The following TNKS variants were observed in gnomAD, a reference collection of about 807,000 sequenced individuals.
TNKS encodes the protein tankyrase.
In TNKS, 72 loss-of-function variants were observed where a neutral mutation model predicts 135.8. The ratio of observed to expected loss-of-function variants is 0.53; its 90% confidence interval spans 0.44 to 0.64. The LOEUF is 0.64. TNKS is among the 30% of genes least tolerant of loss of function. The probability of loss-of-function intolerance (pLI) is 0.00; values close to 1 mark genes in which losing one functional copy is unlikely to be tolerated. For synonymous variants in TNKS, 849 were observed against 649.3 expected (o/e 1.31, Z -4.68); for missense variants, 1,769 against 1,674.0 (o/e 1.06, Z -0.99).
At chr8:9,669,495 C>T (rs539502042) in intron 3 of TNKS, among the ~76,000 whole-genome samples, 2 of 150,868 alleles carry the variant, frequency 1.3e-5, no homozygotes, top group South Asian at 4.2e-4. Flanking sequence ...TATAATGTAG[C>T]AGAATCTGTA....
chr8:9,567,508 C>G (rs945668368), intron 1 of TNKS, among the ~76,000 whole-genome samples: 6 of 152,186 alleles, frequency 3.9e-5, no homozygotes, highest in African/African-American at 1.4e-4. Context: ...CTCTGCCTCC[C>G]GGGTTCACGC....
chr8:9,770,848 A>G (rs60801852), intron 26 of TNKS, among the ~76,000 whole-genome samples: 26 of 152,040 alleles, frequency 1.7e-4, no homozygotes, highest in African/African-American at 6.3e-4. Flanking sequence ...GTGTTGATGG[A>G]GATACCGTGG....
chr8:9,655,593 C>A (rs1308364757), intron 3 of TNKS, among the ~76,000 whole-genome samples: 2 of 152,196 alleles, frequency 1.3e-5, no homozygotes, highest in African/African-American at 2.4e-5. Flanking sequence ...CCAATATCCG[C>A]TGTTCTGCAG....
chr8:9,562,460 T>C (rs1797375276), intron 1 of TNKS, among the ~76,000 whole-genome samples: 1 of 152,208 alleles, frequency 6.6e-6, no homozygotes, highest in Non-Finnish European at 1.5e-5. Context: ...TGATTTTAGC[T>C]ACATTTTATC....
chr8:9,764,627 T>C, intron 22 of TNKS, 89 bp from the exon 23 acceptor site: 1 of 931,162 alleles, frequency 1.1e-6, no homozygotes, highest in Non-Finnish European at 1.6e-6. Flanking sequence ...TGAACTCCTA[T>C]TTATTTATTA....
intron 3 of TNKS, among the ~76,000 whole-genome samples, chr8:9,655,220 T>A (rs1200544430): frequency 6.6e-6 from 1 of 152,086 alleles, no homozygotes; most frequent in African/African-American, 2.4e-5. Flanking sequence ...TGCCCAGGCT[T>A]GAGTAGGTAA....
chr8:9,733,536 G>A, intron 15 of TNKS, 92 bp downstream of exon 15: 1 of 1,031,512 alleles, frequency 9.7e-7, no homozygotes, highest in South Asian at 1.5e-5. Flanking sequence ...ATTCTATTAA[G>A]AACAATACTG....
intron 1 of TNKS, among the ~76,000 whole-genome samples, chr8:9,579,655 G>T (rs1798093677): frequency 6.6e-6 from 1 of 152,036 alleles, no homozygotes; most frequent in Non-Finnish European, 1.5e-5. Flanking sequence ...TTTTATTAGA[G>T]ACGGGGTATC....
At chr8:9,603,921 T>G (rs1214653683) in intron 2 of TNKS, among the ~76,000 whole-genome samples, 2 of 152,066 alleles carry the variant, frequency 1.3e-5, no homozygotes, top group Non-Finnish European at 2.9e-5. Context: ...GTCAAAGAAC[T>G]TCAATGAGTA....
At chr8:9,565,714 T>A (rs1458927058) in intron 1 of TNKS, among the ~76,000 whole-genome samples, 1 of 151,710 alleles carries the variant, frequency 6.6e-6, no homozygotes, top group Non-Finnish European at 1.5e-5. Context: ...AAAATTAGCC[T>A]GGCGTGGTGG....
intron 3 of TNKS, among the ~76,000 whole-genome samples, chr8:9,663,488 C>T (rs1801832236): frequency 6.6e-6 from 1 of 152,212 alleles, no homozygotes; most frequent in African/African-American, 2.4e-5. Context: ...GAGCACTCTT[C>T]CAACAGCAGT....
intron 5 of TNKS, among the ~76,000 whole-genome samples, chr8:9,686,486 CTG>C (rs1031917030): frequency 5.9e-5 from 9 of 152,232 alleles, no homozygotes; most frequent in South Asian, 2.1e-4. Context: ...TAATAGATAA[CTG>C]AAATACCTGA....
intron 3 of TNKS, among the ~76,000 whole-genome samples, chr8:9,672,707 CACACAAAAAAAA>C (rs1470660812): frequency 1.5e-4 from 16 of 104,294 alleles, no homozygotes; most frequent in African/African-American, 5.0e-4. Context: ...CACACACACA[CACACAAAAAAAA>C]AAAAACAAAC....
intron 3 of TNKS, among the ~76,000 whole-genome samples, chr8:9,672,110 C>G (rs1019082004): frequency 2.0e-5 from 3 of 152,154 alleles, no homozygotes; most frequent in African/African-American, 7.2e-5. Flanking sequence ...CATAGTGACC[C>G]AGAAGCACAA....
In TNKS at chr8:9,656,021, G is replaced by C. The variant is rs529111090; in HGVS notation, c.995-23930G>C. Among the ~76,000 whole-genome samples, 4 of 152,242 alleles carry C rather than the reference G, an allele frequency of 2.6e-5. No individual in the cohort carries two copies. The East Asian group carries it at 7.7e-4, about 29-fold the overall frequency. ...AAAAAATTAGACAAATGGCTAACTA[G>C]AATAACCAATGCAGAGAAGTCCTTA... is the stretch of plus-strand genomic sequence containing the variant. On this transcript the variant is annotated intron_variant, in intron 3 of 26. Transcript: ENST00000310430.
rs185529084 is a variant in TNKS at position 9,663,870 on chromosome 8, C to T, written c.995-16081C>T. ...GCTCCACCTTCCTAGCACCTCCACA[C>T]GTTCAGTAACCCAGAAACACTTTCA... On this transcript the variant is annotated intron_variant, in intron 3 of 26. Coordinates refer to ENST00000310430, the MANE Select transcript of TNKS (RefSeq NM_003747.3). Among the ~76,000 whole-genome samples the T allele has an allele frequency of 1.6e-4, 24 of 152,326 alleles. No individual in the cohort carries two copies. In the East Asian group the frequency reaches 3.3e-3, roughly 21 times the overall value.
rs1489260021 is a variant in TNKS at position 9,734,873 on chromosome 8, A to G, written c.2322A>G (p.Ala774=). The change falls in exon 16 of 27, where the codon GCA becomes GCG. Residue 774 remains alanine, a synonymous_variant. Transcript: ENST00000310430. ...EICKLLLKHG[A]DPTKKNRDGN... ...GTTTTTCTTCTTTGTAGCATGGAGC[A>G]GATCCAACTAAAAAGAACAGAGATG... 3.1e-6 allele frequency: 5 copies of G among 1,613,712 alleles called. No homozygotes were observed. The highest frequency in any genetic ancestry group is 2.7e-5 in the African/African-American group (2 of 74,930).
intron 13 of TNKS, among the ~76,000 whole-genome samples, chr8:9,729,771 CT>C (rs763357075): frequency 1.9e-3 from 179 of 95,020 alleles, no homozygotes; most frequent in African/African-American, 6.9e-3. Context: ...ATATGATATT[CT>C]TTTTTTTTTT....
intron 16 of TNKS, 33 bp downstream of exon 16, chr8:9,735,117 T>C: frequency 6.3e-7 from 1 of 1,594,402 alleles, no homozygotes; most frequent in African/African-American, 1.3e-5. Context: ...AGCCTCCTTT[T>C]CCTTTCTCGG....
Sources: allele counts gnomAD v4.1 joint callset (sites outside exome capture counted in the v4.1 genomes callset), GRCh38; gene constraint gnomAD v4.1.1; transcripts MANE v1.5; gene names NCBI Gene and HGNC (gene_info 2026-07-23, HGNC 2026-07-21).